Variants in SRSF12 observed in about 807,000 individuals in gnomAD.
SRSF12 encodes the protein serine and arginine rich splicing factor 12.
SRSF12 carries 21 observed loss-of-function variants against 34.1 expected under a neutral mutation model. The ratio of observed to expected loss-of-function variants is 0.62; its 90% confidence interval spans 0.44 to 0.89. SRSF12 has a LOEUF of 0.89. Among genes scored for constraint, SRSF12 ranks in the 40% least tolerant of loss-of-function variants. The probability of loss-of-function intolerance (pLI) is 0.00; values close to 1 mark genes in which losing one functional copy is unlikely to be tolerated. For synonymous variants in SRSF12, 111 were observed against 110.8 expected (o/e 1.00, Z -0.01); for missense variants, 278 against 327.8 (o/e 0.85, Z 1.17).
At chr6:89,108,485 C>T (rs1474571924) in intron 1 of SRSF12, among the ~76,000 whole-genome samples, 3 of 152,208 alleles carry the variant, frequency 2.0e-5, no homozygotes, top group Admixed American at 1.3e-4. Flanking sequence ...AATTTTCAGT[C>T]TCATACTGGT....
rs1768302019 is a variant in SRSF12 at position 89,096,936 on chromosome 6, A to G, written c.*1642T>C. On this transcript the variant is annotated 3_prime_UTR_variant, in exon 5 of 5. Coordinates refer to ENST00000452027, the MANE Select transcript of SRSF12 (RefSeq NM_080743.5). ...AGTAGTGCCACATAATTTTATAACT[A>G]AATTTTATTATAGCGGAATAATTCA... 1 of 152,254 alleles carries G rather than the reference A, an allele frequency of 6.6e-6. No homozygotes were observed. The highest frequency in any genetic ancestry group is 2.4e-5 in the African/African-American group (1 of 41,468). 9.4% of individuals were successfully genotyped at this position (152,254 alleles called of 1,614,324 possible). A position where few individuals can be genotyped will look rare whatever the true frequency, so the allele number is the denominator to read the frequency against.
At chr6:89,111,149 C>T (rs1251517583) in intron 1 of SRSF12, among the ~76,000 whole-genome samples, 1 of 150,742 alleles carries the variant, frequency 6.6e-6, no homozygotes, top group Admixed American at 6.6e-5. Flanking sequence ...TGCTTTGTCA[C>T]CCAGACTGGA....
chr6:89,097,238 T>C lies in SRSF12; in HGVS notation c.*1340A>G, dbSNP rs1025281925. 6.6e-6 allele frequency: 1 copy of C among 152,184 alleles called. No homozygotes were observed. Among genetic ancestry groups the C allele is most frequent in the Admixed American group, 6.5e-5 (1 of 15,268 alleles). 9.4% of individuals were successfully genotyped at this position (152,184 alleles called of 1,614,324 possible). A position where few individuals can be genotyped will look rare whatever the true frequency, so the allele number is the denominator to read the frequency against. ...ATACTAACTGTATGGATTGAGAACT[T>C]TGAAGTTTTCATAATGTAAGTCACA... On this transcript the variant is annotated 3_prime_UTR_variant, in exon 5 of 5. Coordinates refer to ENST00000452027, the MANE Select transcript of SRSF12 (RefSeq NM_080743.5).
At chr6:89,113,235 C>T (rs1293457053) in intron 1 of SRSF12, among the ~76,000 whole-genome samples, 1 of 151,962 alleles carries the variant, frequency 6.6e-6, no homozygotes, top group East Asian at 1.9e-4. Context: ...AGTGCAGTGG[C>T]CGGTATTGGC....
chr6:89,103,390 G>A (rs1436675672), intron 4 of SRSF12, among the ~76,000 whole-genome samples: 3 of 151,218 alleles, frequency 2.0e-5, no homozygotes, highest in East Asian at 1.9e-4. Context: ...GAGCAGTGGC[G>A]TGATCTCAGC....
chr6:89,100,333 C>T (rs1316165876), intron 4 of SRSF12, among the ~76,000 whole-genome samples: 1 of 152,196 alleles, frequency 6.6e-6, no homozygotes. Flanking sequence ...GGGCTACAAT[C>T]TAGAGGTAAG....
chr6:89,116,774 T>TA (rs11361684), intron 1 of SRSF12, among the ~76,000 whole-genome samples: 3,512 of 135,012 alleles, frequency 0.026, 116 homozygotes, highest in African/African-American at 0.08. Context: ...AGACTTTGTC[T>TA]AAAAAAAAAA....
In SRSF12 at chr6:89,098,178, A is replaced by T. The variant is rs1267492274; in HGVS notation, c.*400T>A. The T allele has an allele frequency of 6.4e-6, 1 of 156,588 alleles. No homozygotes were observed. Among genetic ancestry groups the T allele is most frequent in the Non-Finnish European group, 1.4e-5 (1 of 71,160 alleles). The allele number at this position is 156,588 out of a possible 1,614,324, so 9.7% of individuals were successfully genotyped here. On this transcript the variant is annotated 3_prime_UTR_variant, in exon 5 of 5. Coordinates refer to ENST00000452027, the MANE Select transcript of SRSF12 (RefSeq NM_080743.5). ...GTGTCAAACAGCTTAAGTCTGCTCT[A>T]TGCAATTATACAGTCATAGTTACTT...
intron 4 of SRSF12, among the ~76,000 whole-genome samples, chr6:89,099,486 GTGTA>G (rs1275717367): frequency 1.2e-4 from 16 of 135,192 alleles, no homozygotes; most frequent in South Asian, 2.3e-4. Flanking sequence ...ATATATGTGT[GTGTA>G]TATATATATG....
chr6:89,101,264 A>G (rs1027686836), intron 4 of SRSF12, among the ~76,000 whole-genome samples: 1 of 152,262 alleles, frequency 6.6e-6, no homozygotes, highest in Admixed American at 6.5e-5. Context: ...GAAAGACTGA[A>G]TAAGGCAGAA....
rs867447763 is a variant in SRSF12 at position 89,117,946 on chromosome 6, C to T, written c.-59G>A. ...CGGCCGCTGGACTCGCTCCGTCTCC[C>T]GCTACCGCTGCTACCACCACAGGAG... On this transcript the variant is annotated 5_prime_UTR_variant, in exon 1 of 5. Coordinates refer to ENST00000452027, the MANE Select transcript of SRSF12 (RefSeq NM_080743.5). The T allele has an allele frequency of 1.3e-6, 2 of 1,506,184 alleles. No homozygotes were observed. The highest frequency in any genetic ancestry group is 5.8e-5 in the East Asian group (2 of 34,712). The allele number at this position is 1,506,184 out of a possible 1,614,324, so 93.3% of individuals were successfully genotyped here. A position where few individuals can be genotyped will look rare whatever the true frequency, so the allele number is the denominator to read the frequency against.
At position 89,107,271 on chromosome 6, in the gene SRSF12, A is replaced by G. The variant is rs1269269059; in HGVS notation, c.66-13T>C. 6.2e-7 allele frequency: 1 copy of G among 1,601,842 alleles called. No homozygotes were observed. Among genetic ancestry groups the G allele is most frequent in the Admixed American group, 1.7e-5 (1 of 58,206 alleles). ...CAAGTCCTCAGGCCTGAAGTGTTTT[A>G]GAAATAAGGCAAAGAAATATGAATA... On this transcript the variant is annotated splice_polypyrimidine_tract_variant and intron_variant, in intron 1 of 4. Transcript: ENST00000452027.
intron 4 of SRSF12, among the ~76,000 whole-genome samples, chr6:89,100,522 T>TAAAAAA (rs35086229): frequency 6.9e-6 from 1 of 144,742 alleles, no homozygotes. Context: ...CATGTTATGT[T>TAAAAAA]AAAAAAAAAA....
At chr6:89,112,336 T>A (rs983590955) in intron 1 of SRSF12, among the ~76,000 whole-genome samples, 1 of 152,126 alleles carries the variant, frequency 6.6e-6, no homozygotes, top group South Asian at 2.1e-4. Flanking sequence ...ATTTGTTTTG[T>A]TTTAAAACAT....
At chr6:89,101,763 A>C (rs1768550204) in intron 4 of SRSF12, among the ~76,000 whole-genome samples, 1 of 152,192 alleles carries the variant, frequency 6.6e-6, no homozygotes, top group African/African-American at 2.4e-5. Flanking sequence ...AATTTCTTTC[A>C]AAGGAGCAAC....
chr6:89,116,784 A>G (rs892368682), intron 1 of SRSF12, among the ~76,000 whole-genome samples: 1 of 151,988 alleles, frequency 6.6e-6, no homozygotes, highest in Non-Finnish European at 1.5e-5. Context: ...TAAAAAAAAA[A>G]AAAAAACTAA....
At chr6:89,107,991 C>T (rs561853777) in intron 1 of SRSF12, among the ~76,000 whole-genome samples, 2 of 152,234 alleles carry the variant, frequency 1.3e-5, no homozygotes, top group Admixed American at 6.5e-5. Flanking sequence ...TTATGTTAAT[C>T]TTGTTTTCAG....
chr6:89,107,837 T>G (rs575484110), intron 1 of SRSF12, among the ~76,000 whole-genome samples: 85 of 152,286 alleles, frequency 5.6e-4, no homozygotes, highest in African/African-American at 1.9e-3. Context: ...GAAATCTGTA[T>G]CTTTACAAGC....
intron 4 of SRSF12, among the ~76,000 whole-genome samples, chr6:89,101,524 C>G (rs950232853): frequency 1.3e-5 from 2 of 152,030 alleles, no homozygotes; most frequent in East Asian, 3.9e-4. Context: ...GAGTTCCAGA[C>G]CAGCCTGGCC....
Sources: gnomAD v4.1 joint callset for allele counts (sites outside exome capture counted in the v4.1 genomes callset) on GRCh38, gnomAD v4.1.1 for gene constraint, MANE v1.5 for transcripts, NCBI Gene and HGNC (gene_info 2026-07-23, HGNC 2026-07-21) for gene names.